The following GATAD2B variants were observed in gnomAD, a reference collection of about 807,000 sequenced individuals.
GATAD2B encodes the protein GATA zinc finger domain containing 2B.
In GATAD2B, 8 loss-of-function variants were observed where a neutral mutation model predicts 64.3. The ratio of observed to expected loss-of-function variants is 0.12; its 90% CI spans 0.07 to 0.22. The LOEUF is 0.22. Ranked by LOEUF, GATAD2B falls within the 10% of genes least tolerant of loss-of-function variation. GATAD2B has a pLI of 1.00. For missense variants in GATAD2B, 453 were observed against 752.0 expected, an observed-to-expected ratio of 0.60 and a Z score of 4.65; for synonymous variants, 281 against 271.3, an observed-to-expected ratio of 1.04 and a Z score of -0.35.
At chr1:153,916,544 C>T (rs541541365) in intron 1 of GATAD2B, among the ~76,000 whole-genome samples, 6 of 152,210 alleles carry the variant, frequency 3.9e-5, no homozygotes, top group South Asian at 2.1e-4. Flanking sequence ...GGTATAGATA[C>T]GTCTAGCTCA....
rs1440398280 is a variant in GATAD2B, at chr1:153,828,188, A to G, written c.160T>C (p.Leu54=). 2 of 1,614,136 alleles carry G rather than the reference A, an allele frequency of 1.2e-6. No homozygotes were observed. The highest frequency in any genetic ancestry group is 1.7e-6 in the Non-Finnish European group (2 of 1,180,034). ...TCATGTGGCACCTCAAGATTTGCCA[A>G]ATCCTTCCTTTTGAGCAATGCCAAC... The part of the protein sequence containing the change: ...KMLALLKRKD[L]ANLEVPHELP... Residue 54 remains leucine (L), a synonymous_variant, in exon 2 of 11, where the codon TTG becomes CTG. Transcript: ENST00000368655.
chr1:153,884,864 C>A (rs1201238948), intron 1 of GATAD2B, among the ~76,000 whole-genome samples: 2 of 151,916 alleles, frequency 1.3e-5, no homozygotes, highest in Non-Finnish European at 2.9e-5. Flanking sequence ...TGAAGCAATT[C>A]TCCTGCCTCA....
intron 7 of GATAD2B, among the ~76,000 whole-genome samples, chr1:153,815,280 CAAAAAAAAAAAACAAAA>C (rs1674430775): frequency 1.5e-5 from 1 of 66,630 alleles, no homozygotes; most frequent in African/African-American, 6.4e-5. Flanking sequence ...CTCAAAAAAA[CAAAAAAAAAAAACAAAA>C]AAAAAAAAAA....
chr1:153,834,010 T>C (rs950127801), intron 1 of GATAD2B, among the ~76,000 whole-genome samples: 14 of 151,622 alleles, frequency 9.2e-5, no homozygotes, highest in Non-Finnish European at 1.6e-4. Flanking sequence ...GGTTGTTTTT[T>C]GTTTGTTTTT....
At chr1:153,883,200 G>A (rs908543848) in intron 1 of GATAD2B, among the ~76,000 whole-genome samples, 1 of 152,158 alleles carries the variant, frequency 6.6e-6, no homozygotes, top group Admixed American at 6.6e-5. Flanking sequence ...TAGCAAACAT[G>A]GAGAAAAATA....
chr1:153,849,502 C>T (rs915048976), intron 1 of GATAD2B, among the ~76,000 whole-genome samples: 2 of 152,352 alleles, frequency 1.3e-5, no homozygotes, highest in Non-Finnish European at 2.9e-5. Flanking sequence ...TACTGTTACA[C>T]ATCTTAGCAA....
intron 1 of GATAD2B, among the ~76,000 whole-genome samples, chr1:153,877,596 A>G (rs1042286024): frequency 6.6e-6 from 1 of 151,870 alleles, no homozygotes; most frequent in Non-Finnish European, 1.5e-5. Context: ...TAAAGGATAT[A>G]GCTGGACATG....
chr1:153,830,078 A>C (rs1255332672), intron 1 of GATAD2B, among the ~76,000 whole-genome samples: 4 of 152,178 alleles, frequency 2.6e-5, no homozygotes, highest in Non-Finnish European at 5.9e-5. Flanking sequence ...CCTGGGTGAC[A>C]GAGTGAAACT....
intron 1 of GATAD2B, among the ~76,000 whole-genome samples, chr1:153,886,952 T>A (rs1306550297): frequency 6.6e-6 from 1 of 152,128 alleles, no homozygotes; most frequent in Non-Finnish European, 1.5e-5. Context: ...TGTCCAATAA[T>A]ACAAGCCAAA....
intron 1 of GATAD2B, among the ~76,000 whole-genome samples, chr1:153,874,639 C>T (rs191832939): frequency 2.4e-4 from 37 of 152,070 alleles, no homozygotes; most frequent in Middle Eastern, 3.4e-3. Flanking sequence ...TGCAGTGGCG[C>T]GATCTCGGCT....
chr1:153,818,273 T>A, intron 4 of GATAD2B, 102 bp from the exon 5 acceptor site: 1 of 974,876 alleles, frequency 1.0e-6, no homozygotes, highest in Non-Finnish European at 1.5e-6. Context: ...GAGGTTCTTG[T>A]CAATCAGGAG....
chr1:153,828,481 C>CACA (rs1242137291), intron 1 of GATAD2B, 133 bp from the exon 2 acceptor site: 2 of 631,846 alleles, frequency 3.2e-6, no homozygotes, highest in African/African-American at 3.7e-5. Context: ...CACACACACA[C>CACA]ACACACACAC....
intron 1 of GATAD2B, among the ~76,000 whole-genome samples, chr1:153,868,563 T>G (rs1014402283): frequency 3.9e-5 from 6 of 152,112 alleles, no homozygotes; most frequent in African/African-American, 1.4e-4. Context: ...TAAAACTAAG[T>G]TCTGAAATAA....
intron 2 of GATAD2B, 66 bp downstream of exon 2, chr1:153,827,947 T>A: frequency 1.2e-5 from 14 of 1,121,672 alleles, no homozygotes; most frequent in Non-Finnish European, 1.7e-5. Context: ...CTCATTGGAA[T>A]TCATTCCATT....
chr1:153,908,976 G>A (rs1000785637), intron 1 of GATAD2B, among the ~76,000 whole-genome samples: 2 of 151,762 alleles, frequency 1.3e-5, no homozygotes, highest in Admixed American at 6.6e-5. Context: ...CGAGGTAGGA[G>A]GACTGCTTGA....
At chr1:153,827,753 C>G in intron 2 of GATAD2B, 1 of 493,332 alleles carries the variant, frequency 2.0e-6, no homozygotes, top group Non-Finnish European at 3.5e-6. Flanking sequence ...TTTGGCCTAT[C>G]AGCTCTCTAG....
At chr1:153,815,923 C>T (rs949153638) in intron 7 of GATAD2B, among the ~76,000 whole-genome samples, 1 of 152,108 alleles carries the variant, frequency 6.6e-6, no homozygotes, top group Middle Eastern at 3.2e-3. Context: ...TGTGGTGCCA[C>T]GTGCCTGTAG....
At chr1:153,912,365 A>C (rs1678132743) in intron 1 of GATAD2B, among the ~76,000 whole-genome samples, 1 of 151,924 alleles carries the variant, frequency 6.6e-6, no homozygotes, top group African/African-American at 2.4e-5. Flanking sequence ...CAAAACTTTC[A>C]AATTCTCTAT....
chr1:153,833,488 T>C (rs1181977430), intron 1 of GATAD2B, among the ~76,000 whole-genome samples: 1 of 152,130 alleles, frequency 6.6e-6, no homozygotes, highest in East Asian at 1.9e-4. Flanking sequence ...AGACCATGAA[T>C]CAAGGAGTAA....
Sources: gnomAD v4.1 joint callset for allele counts (sites outside exome capture counted in the v4.1 genomes callset) on GRCh38, gnomAD v4.1.1 for gene constraint, MANE v1.5 for transcripts, NCBI Gene and HGNC (gene_info 2026-07-23, HGNC 2026-07-21) for gene names.